The following CSMD3 variants were observed in gnomAD, a reference collection of about 807,000 sequenced individuals.
CSMD3 encodes CUB and sushi domain-containing protein 3.
A neutral mutation model predicts 435.2 loss-of-function variants in CSMD3; 177 were observed. The observed-to-expected ratio is 0.41, with a 90% CI of 0.36 to 0.46. The LOEUF (loss-of-function observed/expected upper bound fraction) is 0.46. CSMD3 is among the 20% of genes least tolerant of loss of function. The probability of loss-of-function intolerance (pLI) is 0.34; values close to 1 mark genes in which losing one functional copy is unlikely to be tolerated. For missense variants in CSMD3, 4,265 were observed against 4,504.6 expected (o/e 0.95, Z 1.52); for synonymous variants, 1,656 against 1,520.5 (o/e 1.09, Z -2.07).
In CSMD3 at chr8:112,783,335, A is replaced by T. The variant is rs188856601; in HGVS notation, c.1972+16827T>A. 3.5e-3 allele frequency among the ~76,000 whole-genome samples: 529 copies of T among 151,186 alleles called. 7 individuals carry two copies. Among genetic ancestry groups the T allele is most frequent in the African/African-American group, 0.012 (506 of 41,134 alleles). ...AAAAACTACAACAGATACACAAAAA[A>T]ATAGAAAGCCAAGAATTAAAACATA... On this transcript the variant is annotated intron_variant, in intron 13 of 70. Transcript: ENST00000297405.
chr8:112,730,878 A>T (rs980535829), intron 13 of CSMD3, among the ~76,000 whole-genome samples: 2 of 152,164 alleles, frequency 1.3e-5, no homozygotes, highest in African/African-American at 4.8e-5. Context: ...AGACAACTGT[A>T]TCCCAGGAAA....
chr8:112,323,498 G>T (rs1180173667), intron 45 of CSMD3, among the ~76,000 whole-genome samples: 1 of 151,942 alleles, frequency 6.6e-6, no homozygotes, highest in Non-Finnish European at 1.5e-5. Flanking sequence ...AATTATGGGG[G>T]TACCCTTAAT....
In CSMD3 at chr8:112,441,548, T is replaced by C. The variant is rs554519939; in HGVS notation, c.5395+31043A>G. ...ACCACTCTTTGTAGTACCAATTTAC[T>C]GTATTAGTCCATTCTCATGCTGCTA... is the stretch of plus-strand genomic sequence containing the variant. On this transcript the variant is annotated intron_variant, in intron 32 of 70. Transcript: ENST00000297405. 3.3e-5 allele frequency among the ~76,000 whole-genome samples: 5 copies of C among 152,324 alleles called. No homozygotes were observed. The South Asian group carries it at 1.0e-3, about 32-fold the overall frequency.
rs540851691 is a variant in CSMD3 at position 112,827,001 on chromosome 8, G to T, written c.1859+2685C>A. Among the ~76,000 whole-genome samples the T allele has an allele frequency of 4.1e-4, 62 of 151,410 alleles. No individual in the cohort carries two copies. The South Asian group carries it at 0.013, about 31-fold the overall frequency. ...CGAATTTTTCTAACATTGAAATAGG[G>T]TGAAAAATATGGTTCAAACACACAT... On this transcript the variant is annotated intron_variant, in intron 12 of 70. Transcript: ENST00000297405.
At chr8:112,505,779 G>GT (rs1822438567) in intron 29 of CSMD3, among the ~76,000 whole-genome samples, 1 of 151,936 alleles carries the variant, frequency 6.6e-6, no homozygotes, top group East Asian at 1.9e-4. Flanking sequence ...CAATAGTCCT[G>GT]TTGTATAAGG....
At chr8:112,505,332 T>C (rs1251518686) in intron 29 of CSMD3, among the ~76,000 whole-genome samples, 1 of 152,174 alleles carries the variant, frequency 6.6e-6, no homozygotes, top group Non-Finnish European at 1.5e-5. Flanking sequence ...TATAATAATA[T>C]AGCAGAAGTC....
intron 3 of CSMD3, among the ~76,000 whole-genome samples, chr8:113,227,389 G>T (rs573480394): frequency 6.3e-4 from 95 of 151,608 alleles, no homozygotes; most frequent in African/African-American, 2.2e-3. Context: ...TAACTCAAAA[G>T]AAATTAAGAT....
chr8:112,561,595 T>G (rs2131250869), intron 24 of CSMD3, among the ~76,000 whole-genome samples: 1 of 151,774 alleles, frequency 6.6e-6, no homozygotes, highest in East Asian at 1.9e-4. Context: ...CCATTCATAT[T>G]AATTCATCTT....
At chr8:113,008,575 G>C (rs1476118795) in intron 6 of CSMD3, among the ~76,000 whole-genome samples, 4 of 151,470 alleles carry the variant, frequency 2.6e-5, no homozygotes, top group African/African-American at 9.7e-5. Context: ...TTTTAATTTA[G>C]AAACAGGTAG....
At chr8:112,286,810 CT>C (rs1358885630) in intron 58 of CSMD3, among the ~76,000 whole-genome samples, 1 of 151,946 alleles carries the variant, frequency 6.6e-6, no homozygotes, top group African/African-American at 2.4e-5. Context: ...ATATATATTA[CT>C]TTTTAAATCT....
intron 5 of CSMD3, among the ~76,000 whole-genome samples, chr8:113,038,316 G>T (rs1237091925): frequency 1.3e-5 from 2 of 152,092 alleles, no homozygotes; most frequent in Non-Finnish European, 1.5e-5. Flanking sequence ...AATAAATCGT[G>T]CTTATATTGA....
rs115531615 is a variant in CSMD3, at chr8:112,634,440, T to C, written c.3715+2377A>G. ...CTGTAACTTAAATGTATGCCTACCG[T>C]GGAATTTATTAAGGTCAATTGAATT... On this transcript the variant is annotated intron_variant, in intron 22 of 70. Coordinates refer to ENST00000297405, the MANE Select transcript of CSMD3 (RefSeq NM_198123.2). Among the ~76,000 whole-genome samples, 1,189 of 152,098 alleles carry C rather than the reference T, an allele frequency of 7.8e-3. 16 individuals carry two copies. Among genetic ancestry groups the C allele is most frequent in the African/African-American group, 0.027 (1,121 of 41,548 alleles).
At chr8:112,580,671 T>C (rs1830275948) in intron 23 of CSMD3, among the ~76,000 whole-genome samples, 1 of 152,006 alleles carries the variant, frequency 6.6e-6, no homozygotes. Context: ...CAGAATATAC[T>C]ACAGAGAGCT....
chr8:113,202,052 A>G (rs1445645952), intron 3 of CSMD3, among the ~76,000 whole-genome samples: 1 of 152,090 alleles, frequency 6.6e-6, no homozygotes, highest in African/African-American at 2.4e-5. Flanking sequence ...ACAATACTCT[A>G]TTGATGGCGC....
chr8:112,410,608 ATATATATGTATATATATGTG>A (rs1395883729), intron 32 of CSMD3, among the ~76,000 whole-genome samples: 6,874 of 53,698 alleles, frequency 0.13, 473 homozygotes, highest in African/African-American at 0.2. Flanking sequence ...ATATGTGTAT[ATATATATGTATATATATGTG>A]TATATATATG....
At chr8:113,121,808 C>G (rs1250105007) in intron 4 of CSMD3, among the ~76,000 whole-genome samples, 1 of 151,936 alleles carries the variant, frequency 6.6e-6, no homozygotes, top group Non-Finnish European at 1.5e-5. Context: ...TTTAAGATCT[C>G]AAAAGAATTA....
Position 112,954,279 on chromosome 8 carries a change from G to C in CSMD3, c.1420+405C>G, listed in dbSNP as rs2083930759. ...TGAAATGAAAATTGCTATCTTAAAA[G>C]TAATATTTCTTAGAAAAGCACTTAT... On this transcript the variant is annotated intron_variant, in intron 8 of 70. Coordinates refer to ENST00000297405, the MANE Select transcript of CSMD3 (RefSeq NM_198123.2). Among the ~76,000 whole-genome samples the C allele has an allele frequency of 2.0e-5, 3 of 151,528 alleles. No individual in the cohort carries two copies. In the South Asian group the frequency reaches 6.2e-4, roughly 31 times the overall value.
At chr8:112,579,322 G>A (rs535780592) in intron 23 of CSMD3, among the ~76,000 whole-genome samples, 1 of 152,038 alleles carries the variant, frequency 6.6e-6, no homozygotes, top group African/African-American at 2.4e-5. Context: ...GCCATGTTTT[G>A]TAGCATTTGC....
intron 12 of CSMD3, among the ~76,000 whole-genome samples, chr8:112,801,300 T>A (rs2078956684): frequency 6.6e-6 from 1 of 152,034 alleles, no homozygotes; most frequent in Admixed American, 6.6e-5. Context: ...GCAGTGTAGT[T>A]GACCATATCC....
Sources: gnomAD v4.1 joint callset for allele counts (sites outside exome capture counted in the v4.1 genomes callset) on GRCh38, gnomAD v4.1.1 for gene constraint, MANE v1.5 for transcripts, NCBI Gene and HGNC (gene_info 2026-07-23, HGNC 2026-07-21) for gene names.